PTBP3: variants seen among roughly 807,000 people sequenced by gnomAD.
The protein encoded by PTBP3 is polypyrimidine tract-binding protein 3.
PTBP3 carries 20 observed loss-of-function variants against 58.7 expected under a neutral mutation model. The ratio of observed to expected loss-of-function variants is 0.34; its 90% CI spans 0.24 to 0.50. The LOEUF is 0.50. PTBP3 is among the 20% of genes least tolerant of loss of function. The probability of loss-of-function intolerance (pLI) is 0.98; values close to 1 mark genes in which losing one functional copy is unlikely to be tolerated. For synonymous variants in PTBP3, 185 were observed against 219.8 expected (o/e 0.84, Z 1.40); for missense variants, 509 against 637.2 (o/e 0.80, Z 2.17).
At chr9:112,374,136 TGGA>T in the PTBP3 span, among the ~76,000 whole-genome samples, 2 of 152,260 alleles carry the variant, frequency 1.3e-5, 1 homozygote, top group South Asian at 4.2e-4. Flanking sequence ...GTGAATACTG[TGGA>T]GTAGTAGACT....
At chr9:112,331,031 C>T (rs1830347549) in intron 1 of PTBP3, among the ~76,000 whole-genome samples, 2 of 151,078 alleles carry the variant, frequency 1.3e-5, no homozygotes, top group Non-Finnish European at 2.9e-5. Flanking sequence ...TAAAAATATT[C>T]TATCACGTCA....
intron 6 of PTBP3, among the ~76,000 whole-genome samples, chr9:112,251,642 G>C (rs1224569386): frequency 6.6e-6 from 1 of 152,022 alleles, no homozygotes; most frequent in Non-Finnish European, 1.5e-5. Flanking sequence ...ATAATAAACT[G>C]AGGAAAATGT....
intron 1 of PTBP3, among the ~76,000 whole-genome samples, chr9:112,312,844 G>C (rs1829547847): frequency 6.6e-6 from 1 of 152,014 alleles, no homozygotes; most frequent in Admixed American, 6.6e-5. Context: ...AGGAGTTGGA[G>C]ACCAGCCCAG....
intron 2 of PTBP3, among the ~76,000 whole-genome samples, chr9:112,290,697 TATATATATATACACAC>T (rs2043425850): frequency 3.2e-5 from 2 of 62,066 alleles, no homozygotes; most frequent in South Asian, 1.2e-3. Flanking sequence ...AATATATATA[TATATATATATACACAC>T]ACACACACAC....
chr9:112,322,048 T>C (rs912889601), intron 1 of PTBP3, among the ~76,000 whole-genome samples: 3 of 149,208 alleles, frequency 2.0e-5, no homozygotes, highest in Non-Finnish European at 3.0e-5. Context: ...GGCAGGAGAA[T>C]TGCTTAAACC....
intron 2 of PTBP3, among the ~76,000 whole-genome samples, chr9:112,280,586 T>C (rs761583012): frequency 2.0e-5 from 3 of 152,196 alleles, no homozygotes; most frequent in Non-Finnish European, 2.9e-5. Flanking sequence ...ATTTGGTTTA[T>C]CACAAAAGGA....
Position 112,220,051 on chromosome 9 carries a change from A to G in PTBP3, c.*3800T>C. 2 of 1,153,752 alleles carry G rather than the reference A, an allele frequency of 1.7e-6. No individual in the cohort carries two copies. Among genetic ancestry groups the G allele is most frequent in the Non-Finnish European group, 2.2e-6 (2 of 910,006 alleles). 71.5% of individuals were successfully genotyped at this position (1,153,752 alleles called of 1,614,324 possible). On this transcript the variant is annotated 3_prime_UTR_variant, in exon 14 of 14. Coordinates refer to ENST00000374257, the MANE Select transcript of PTBP3 (RefSeq NM_001163788.4). ...GTTTTGTTCTCATTAACAGATCAAG[A>G]CAAAGGAAAGGCTAAGAAAAATGCT...
the PTBP3 span, among the ~76,000 whole-genome samples, chr9:112,353,237 T>A: frequency 6.6e-6 from 1 of 151,682 alleles, no homozygotes; most frequent in Admixed American, 6.6e-5. Context: ...TCTTCTCAAA[T>A]AGCCATGGAT....
chr9:112,223,782 G>C lies in PTBP3; in HGVS notation c.*69C>G. ...AAAGAGGCAAAATTGGTCTTGAGCT[G>C]CTTCAGTCTATGTCTGAAGGTTTTA... On this transcript the variant is annotated 3_prime_UTR_variant, in exon 14 of 14. Transcript: ENST00000374257. The C allele has an allele frequency of 6.2e-7, 1 of 1,603,700 alleles. No individual in the cohort carries two copies. Among genetic ancestry groups the C allele is most frequent in the Non-Finnish European group, 8.5e-7 (1 of 1,174,696 alleles).
intron 1 of PTBP3, among the ~76,000 whole-genome samples, chr9:112,317,160 G>A (rs1298232370): frequency 6.6e-6 from 1 of 151,750 alleles, no homozygotes; most frequent in Non-Finnish European, 1.5e-5. Flanking sequence ...TGGGAGGACT[G>A]CTTAAACCCA....
chr9:112,334,632 G>T (rs1022772321), upstream of PTBP3, among the ~76,000 whole-genome samples: 1 of 152,150 alleles, frequency 6.6e-6, no homozygotes. Context: ...TCCTCCCCGT[G>T]GCTTCGTCAT....
chr9:112,314,538 T>C (rs528425081), intron 1 of PTBP3, among the ~76,000 whole-genome samples: 1 of 152,076 alleles, frequency 6.6e-6, no homozygotes, highest in Admixed American at 6.5e-5. Context: ...TCTACAAAAA[T>C]TTAAAAATTA....
At chr9:112,252,445 T>G in intron 6 of PTBP3, 1 of 489,202 alleles carries the variant, frequency 2.0e-6, no homozygotes, top group Non-Finnish European at 3.6e-6. Flanking sequence ...AAACAGGACC[T>G]GCGTCTCAGA....
chr9:112,232,346 T>C, intron 8 of PTBP3, 108 bp from the exon 9 acceptor site: 1 of 1,161,242 alleles, frequency 8.6e-7, no homozygotes, highest in Non-Finnish European at 1.2e-6. Flanking sequence ...AAAGAAAATG[T>C]GTCAAGGCTA....
chr9:112,324,677 T>G (rs547625835), intron 1 of PTBP3, among the ~76,000 whole-genome samples: 1 of 149,940 alleles, frequency 6.7e-6, no homozygotes, highest in Non-Finnish European at 1.5e-5. Flanking sequence ...AAAACAACTT[T>G]AAAAGAATAG....
At chr9:112,272,412 G>T (rs375638732) in intron 3 of PTBP3, among the ~76,000 whole-genome samples, 1 of 152,056 alleles carries the variant, frequency 6.6e-6, no homozygotes, top group African/African-American at 2.4e-5. Context: ...GACATTAACC[G>T]TTCTGAGTCC....
chr9:112,339,289 T>TTAAA, the PTBP3 span, among the ~76,000 whole-genome samples: 1 of 21,246 alleles, frequency 4.7e-5, no homozygotes, highest in East Asian at 1.3e-3. Flanking sequence ...AGACTCTGTC[T>TTAAA]CAAAAAAAAA....
chr9:112,274,740 C>G (rs564021590), intron 3 of PTBP3, among the ~76,000 whole-genome samples: 70 of 152,310 alleles, frequency 4.6e-4, no homozygotes, highest in African/African-American at 1.7e-3. Flanking sequence ...GCCTCCTGCA[C>G]TACACCCCAG....
chr9:112,296,314 G>A (rs532593326), intron 2 of PTBP3, among the ~76,000 whole-genome samples: 26 of 152,148 alleles, frequency 1.7e-4, no homozygotes, highest in African/African-American at 6.3e-4. Context: ...GCCTGAGGCT[G>A]TCACAATTTC....
Sources: allele counts gnomAD v4.1 joint callset (sites outside exome capture counted in the v4.1 genomes callset), GRCh38; gene constraint gnomAD v4.1.1; transcripts MANE v1.5; gene names NCBI Gene and HGNC (gene_info 2026-07-23, HGNC 2026-07-21).